The following DNAH5 variants were observed in gnomAD, a reference collection of about 807,000 sequenced individuals.
DNAH5 encodes the protein axonemal beta dynein heavy chain 5.
A neutral mutation model predicts 518.2 loss-of-function variants in DNAH5; 372 were observed. That is an observed-to-expected ratio of 0.72 (90% confidence interval 0.66 to 0.78). DNAH5 has a LOEUF of 0.78. DNAH5 is among the 30% of genes least tolerant of loss of function. The probability of loss-of-function intolerance (pLI) is 0.00; values close to 1 mark genes in which losing one functional copy is unlikely to be tolerated. For missense variants in DNAH5, 5,523 were observed against 5,687.0 expected, an observed-to-expected ratio of 0.97 and a Z score of 0.93; for synonymous variants, 2,039 against 2,025.9, an observed-to-expected ratio of 1.01 and a Z score of -0.17.
At chr5:13,809,269 T>C (rs2127007992) in intron 45 of DNAH5, 83 bp from the exon 46 acceptor site, 3 of 1,500,962 alleles carry the variant, frequency 2.0e-6, no homozygotes, top group Non-Finnish European at 1.9e-6. Context: ...TGAAATCTTA[T>C]GAGGTCACCT....
chr5:13,787,721 T>TA (rs1289562527), intron 51 of DNAH5, among the ~76,000 whole-genome samples: 2 of 152,162 alleles, frequency 1.3e-5, no homozygotes, highest in East Asian at 3.9e-4. Flanking sequence ...CCCTTACTCT[T>TA]ACAGGATTTT....
At chr5:13,842,981 T>G (rs1765492146) in intron 32 of DNAH5, among the ~76,000 whole-genome samples, 1 of 152,198 alleles carries the variant, frequency 6.6e-6, no homozygotes, top group Non-Finnish European at 1.5e-5. Flanking sequence ...CCATACAACT[T>G]GAGACAGTGA....
intron 56 of DNAH5, 138 bp from the exon 57 acceptor site, chr5:13,769,753 A>G: frequency 1.3e-6 from 1 of 745,990 alleles, no homozygotes; most frequent in African/African-American, 1.7e-5. Flanking sequence ...AAGAGGGCTT[A>G]GCAAAAAGGA....
chr5:13,979,290 C>A (rs748497732), intron 1 of DNAH5, among the ~76,000 whole-genome samples: 2 of 152,146 alleles, frequency 1.3e-5, no homozygotes, highest in Non-Finnish European at 2.9e-5. Flanking sequence ...TTCCCCCCAC[C>A]ATACACGCTT....
At chr5:13,964,293 C>A (rs1436180421) in intron 1 of DNAH5, among the ~76,000 whole-genome samples, 1 of 152,162 alleles carries the variant, frequency 6.6e-6, no homozygotes, top group Admixed American at 6.5e-5. Flanking sequence ...GCCTTTTGAG[C>A]CCCTCTGGCT....
intron 1 of DNAH5, among the ~76,000 whole-genome samples, chr5:13,991,239 A>C (rs534325446): frequency 6.6e-6 from 1 of 152,222 alleles, no homozygotes; most frequent in African/African-American, 2.4e-5. Flanking sequence ...GTTAGTCTGC[A>C]CTATTTAAAA....
chr5:13,944,298 T>A, intron 1 of DNAH5, 84 bp downstream of exon 1: 4 of 1,372,780 alleles, frequency 2.9e-6, no homozygotes, highest in Non-Finnish European at 4.2e-6. Context: ...ACTTTGAACC[T>A]TTTTCAAGTT....
chr5:13,811,570 A>T (rs1760719713), intron 44 of DNAH5, 77 bp downstream of exon 44: 1 of 1,400,950 alleles, frequency 7.1e-7, no homozygotes, highest in African/African-American at 1.4e-5. Flanking sequence ...CATTAATAAG[A>T]GAGAAAATAT....
intron 47 of DNAH5, among the ~76,000 whole-genome samples, chr5:13,798,745 TTTA>T (rs909647715): frequency 5.6e-4 from 16 of 28,616 alleles, no homozygotes; most frequent in South Asian, 5.3e-3. Flanking sequence ...ATTTATTTTA[TTTA>T]TTTATTTATT....
At position 13,735,277 on chromosome 5, in the gene DNAH5, A is replaced by G. The variant is rs751894003; in HGVS notation, c.11615T>C (p.Ile3872Thr). ...PITSKRIANI[I>T]EHMTYEVYKY... is the part of the protein sequence containing the mutation. ...ATAAACCTCGTAGGTCATGTGCTCG[A>G]TGATATTAGCAATCCTCTTGCTTGT... Residue 3872 changes from isoleucine to threonine, a missense_variant, in exon 68 of 79, where the codon ATC becomes ACC. Coordinates refer to ENST00000265104, the MANE Select transcript of DNAH5 (RefSeq NM_001369.3). 3 of 1,614,014 alleles carry G rather than the reference A, an allele frequency of 1.9e-6. No individual in the cohort carries two copies. The East Asian group carries it at 6.7e-5, about 36-fold the overall frequency.
chr5:13,908,049 G>C (rs1775550764), intron 12 of DNAH5, among the ~76,000 whole-genome samples: 1 of 152,190 alleles, frequency 6.6e-6, no homozygotes, highest in African/African-American at 2.4e-5. Context: ...CTGTGGAGGA[G>C]ATGGAGCTAT....
intron 78 of DNAH5, among the ~76,000 whole-genome samples, chr5:13,698,894 G>T (rs1741713297): frequency 6.6e-6 from 1 of 152,182 alleles, no homozygotes; most frequent in Non-Finnish European, 1.5e-5. Flanking sequence ...CATTAGTATT[G>T]ATTTGGGGGC....
intron 47 of DNAH5, among the ~76,000 whole-genome samples, chr5:13,804,065 C>T (rs1759183536): frequency 6.6e-6 from 1 of 151,958 alleles, no homozygotes; most frequent in Non-Finnish European, 1.5e-5. Context: ...TAAATTTCTA[C>T]TTCTATGTAT....
At position 13,901,326 on chromosome 5, in the gene DNAH5, T is replaced by C; in HGVS notation, c.1978A>G (p.Ile660Val). Residue 660 changes from isoleucine (I) to valine (V), a missense_variant, in exon 14 of 79, where the codon ATT becomes GTT. Physicochemically the swap from Ile to Val is conservative, Grantham distance 29. Coordinates refer to ENST00000265104, the MANE Select transcript of DNAH5 (RefSeq NM_001369.3). ...TTGGCCATCCTGTTGTAACTGCGAA[T>C]TATAGGTTTGGCTTCTGCCGTGCTT... is the stretch of plus-strand genomic sequence containing the variant. ...VLSTAEAKPI[I>V]RSYNRMAKVL... 6.2e-7 allele frequency: 1 copy of C among 1,614,172 alleles called. No individual in the cohort carries two copies. The highest frequency in any genetic ancestry group is 8.5e-7 in the Non-Finnish European group (1 of 1,180,002).
chr5:13,912,854 C>T (rs1487824695), intron 11 of DNAH5, among the ~76,000 whole-genome samples: 1 of 151,792 alleles, frequency 6.6e-6, no homozygotes, highest in Non-Finnish European at 1.5e-5. Context: ...ACTACTCAAA[C>T]TCAATCTACT....
Position 13,691,904 on chromosome 5 carries a change from A to T in DNAH5, c.*80T>A. On this transcript the variant is annotated 3_prime_UTR_variant, in exon 79 of 79. Transcript: ENST00000265104. ...ATAAACGACCTAACATACACTGTCC[A>T]GCAGTCATACAGAAATAAAGGTTAC... 6.4e-7 allele frequency: 1 copy of T among 1,572,358 alleles called. No homozygotes were observed. The highest frequency in any genetic ancestry group is 8.7e-7 in the Non-Finnish European group (1 of 1,143,222).
chr5:13,871,559 C>A lies in DNAH5; in HGVS notation c.3598+5G>T. 6.2e-7 allele frequency: 1 copy of A among 1,611,224 alleles called. No homozygotes were observed. Among genetic ancestry groups the A allele is most frequent in the Non-Finnish European group, 8.5e-7 (1 of 1,177,704 alleles). ...ATATAACTATATGAAAGAAAATGAA[C>A]CAACCTGTGTACAGAGCAATGGAAC... On this transcript the variant is annotated splice_donor_5th_base_variant and intron_variant, in intron 23 of 78. Coordinates refer to ENST00000265104, the MANE Select transcript of DNAH5 (RefSeq NM_001369.3).
intron 1 of DNAH5, among the ~76,000 whole-genome samples, chr5:13,981,146 G>A (rs1419186368): frequency 1.3e-5 from 2 of 152,222 alleles, no homozygotes; most frequent in Non-Finnish European, 2.9e-5. Context: ...GGAAGCTAAG[G>A]AGGGAAGGGT....
chr5:13,945,072 A>G (rs977600219), upstream of DNAH5, among the ~76,000 whole-genome samples: 10 of 152,250 alleles, frequency 6.6e-5, no homozygotes, highest in African/African-American at 1.2e-4. Flanking sequence ...ACAAAGAACA[A>G]GAAGTCTGTT....
Sources: gnomAD v4.1 joint callset for allele counts (sites outside exome capture counted in the v4.1 genomes callset) on GRCh38, gnomAD v4.1.1 for gene constraint, MANE v1.5 for transcripts, NCBI Gene and HGNC (gene_info 2026-07-23, HGNC 2026-07-21) for gene names.